The following TTC3 variants were observed in gnomAD, a reference collection of about 807,000 sequenced individuals.
TTC3 encodes tetratricopeptide repeat domain 3.
Under a neutral mutation model 249.6 loss-of-function variants are expected in TTC3, and 180 were observed. The observed-to-expected ratio is 0.72, with a 90% CI of 0.64 to 0.82. The LOEUF (loss-of-function observed/expected upper bound fraction) is 0.82, where lower values mean the gene tolerates loss of function less well. Among genes scored for constraint, TTC3 ranks in the 40% least tolerant of loss-of-function variants. The pLI is 0.00. For synonymous variants in TTC3, 717 were observed against 805.0 expected, an observed-to-expected ratio of 0.89 and a Z score of 1.85; for missense variants, 2,061 against 2,398.4, an observed-to-expected ratio of 0.86 and a Z score of 2.94.
chr21:37,101,948 A>G (rs1164952290), intron 10 of TTC3, among the ~76,000 whole-genome samples: 1 of 148,940 alleles, frequency 6.7e-6, no homozygotes, highest in Admixed American at 6.7e-5. Flanking sequence ...ATATTAGTAT[A>G]TAGATTATTT....
At chr21:37,114,746 G>A (rs1018925518) in intron 11 of TTC3, among the ~76,000 whole-genome samples, 1 of 152,048 alleles carries the variant, frequency 6.6e-6, no homozygotes, top group African/African-American at 2.4e-5. Flanking sequence ...TGTTTATTGT[G>A]GCAGTATTCA....
Position 37,197,553 on chromosome 21 carries a change from C to G in TTC3, c.5580-17C>G. On this transcript the variant is annotated splice_polypyrimidine_tract_variant and intron_variant, in intron 42 of 45. Coordinates refer to ENST00000355666, the Ensembl canonical transcript of TTC3. ...GAGAACTTTCTGTTGTCATTCATCA[C>G]TCACTCTCCCTTTCAGCACTGAGCT... The G allele has an allele frequency of 6.2e-7, 1 of 1,611,722 alleles. No homozygotes were observed. The highest frequency in any genetic ancestry group is 8.5e-7 in the Non-Finnish European group (1 of 1,179,804).
chr21:37,192,784 A>G (rs1341018912), intron 41 of TTC3, among the ~76,000 whole-genome samples: 4 of 152,216 alleles, frequency 2.6e-5, no homozygotes. Flanking sequence ...TATTTGCCGA[A>G]TCTTGTTAAT....
intron 17 of TTC3, among the ~76,000 whole-genome samples, chr21:37,133,482 T>G (rs1885619894): frequency 6.6e-6 from 1 of 152,222 alleles, no homozygotes; most frequent in African/African-American, 2.4e-5. Flanking sequence ...TTTTACTGAC[T>G]CTAAACACCA....
At chr21:37,191,583 G>T (rs1431453955) in intron 40 of TTC3, among the ~76,000 whole-genome samples, 159 bp downstream of exon 40, 2 of 151,948 alleles carry the variant, frequency 1.3e-5, no homozygotes, top group Non-Finnish European at 2.9e-5. Flanking sequence ...TAATGGTTTT[G>T]TTTTGTTTTT....
At chr21:37,128,950 G>T in intron 15 of TTC3, 53 bp from the exon 16 acceptor site, 2 of 1,352,578 alleles carry the variant, frequency 1.5e-6, no homozygotes, top group Admixed American at 2.4e-5. Context: ...TTACTCTCAG[G>T]CTTGTAGATT....
intron 45 of TTC3, among the ~76,000 whole-genome samples, chr21:37,200,712 C>A (rs2085406041): frequency 6.6e-6 from 1 of 152,190 alleles, no homozygotes; most frequent in Admixed American, 6.5e-5. Flanking sequence ...AAAAACTAAA[C>A]CTAGCTGAGT....
At chr21:37,094,544 C>T (rs1422185717) in intron 8 of TTC3, among the ~76,000 whole-genome samples, 1 of 152,126 alleles carries the variant, frequency 6.6e-6, no homozygotes, top group African/African-American at 2.4e-5. Flanking sequence ...TATATATTCT[C>T]GTTAACCTAC....
chr21:37,153,968 G>GT (rs1569077003), intron 27 of TTC3, among the ~76,000 whole-genome samples: 2 of 149,442 alleles, frequency 1.3e-5, no homozygotes, highest in Non-Finnish European at 2.9e-5. Flanking sequence ...TCTGACTTTC[G>GT]TAACTTGGCT....
chr21:37,176,803 C>T (rs746889667), intron 35 of TTC3, among the ~76,000 whole-genome samples: 7 of 152,178 alleles, frequency 4.6e-5, no homozygotes, highest in East Asian at 3.9e-4. Flanking sequence ...CACACCAGTA[C>T]GAAGTGGCAG....
intron 39 of TTC3, among the ~76,000 whole-genome samples, chr21:37,190,410 A>G (rs1432237426): frequency 6.6e-6 from 1 of 152,110 alleles, no homozygotes; most frequent in Non-Finnish European, 1.5e-5. Flanking sequence ...CTGGGATTAC[A>G]GGTGTGAGCC....
chr21:37,116,241 A>G (rs2076132289), intron 11 of TTC3, among the ~76,000 whole-genome samples: 1 of 152,218 alleles, frequency 6.6e-6, no homozygotes, highest in Non-Finnish European at 1.5e-5. Context: ...ACATTTATGG[A>G]TTTTAAAAAG....
intron 7 of TTC3, among the ~76,000 whole-genome samples, chr21:37,092,684 A>G (rs1188105535): frequency 1.3e-5 from 2 of 152,114 alleles, no homozygotes; most frequent in African/African-American, 2.4e-5. Context: ...TGTCCCTTAG[A>G]ATTTCTTTAT....
At chr21:37,190,578 G>T (rs1363028138) in intron 39 of TTC3, among the ~76,000 whole-genome samples, 1 of 152,148 alleles carries the variant, frequency 6.6e-6, no homozygotes, top group Non-Finnish European at 1.5e-5. Flanking sequence ...CCCACCATAG[G>T]CTGCATTGTG....
chr21:37,188,456 A>C, intron 38 of TTC3, 39 bp from the exon 39 acceptor site: 1 of 1,515,344 alleles, frequency 6.6e-7, no homozygotes, highest in Non-Finnish European at 9.1e-7. Context: ...TCAGGCTGTC[A>C]TTTGTAAAAT....
chr21:37,152,888 C>G, intron 26 of TTC3, 63 bp from the exon 27 acceptor site: 1 of 1,309,134 alleles, frequency 7.6e-7, no homozygotes, highest in Non-Finnish European at 1.0e-6. Context: ...TTTGTTATTT[C>G]TAAGTTTATG....
intron 1 of TTC3, 104 bp from the exon 2 acceptor site, chr21:37,087,143 A>T: frequency 7.6e-7 from 1 of 1,307,592 alleles, no homozygotes; most frequent in Admixed American, 2.2e-5. Flanking sequence ...TTCCTTGGGC[A>T]TAGGTTCCAA....
chr21:37,177,633 T>C (rs1403487003), intron 35 of TTC3, among the ~76,000 whole-genome samples: 1 of 152,182 alleles, frequency 6.6e-6, no homozygotes, highest in East Asian at 1.9e-4. Flanking sequence ...CCCAGTACCA[T>C]CCCTTCTGCC....
Position 37,088,300 on chromosome 21 carries a change from CAA to C in TTC3, c.295_296del (p.Asn99GlnfsTer20). 1 of 1,613,534 alleles carries C rather than the reference CAA, an allele frequency of 6.2e-7. No homozygotes were observed. Among genetic ancestry groups the C allele is most frequent in the Non-Finnish European group, 8.5e-7 (1 of 1,179,650 alleles). On this transcript the variant is annotated frameshift_variant, in exon 4 of 46. Transcript: ENST00000355666. LOFTEE classifies it high-confidence loss of function. Reference sequence around the variant, plus strand: ...CTTCTGGCCACTTCTGTTTCAACATCAAAACAGTTCCGTAATATCACGATTGC... The same window carrying C: ...CTTCTGGCCACTTCTGTTTCAACATCAACAGTTCCGTAATATCACGATTGC...
Sources: allele counts gnomAD v4.1 joint callset (sites outside exome capture counted in the v4.1 genomes callset), GRCh38; gene constraint gnomAD v4.1.1; transcripts MANE v1.5; gene names NCBI Gene and HGNC (gene_info 2026-07-23, HGNC 2026-07-21).